The following FAM13A variants were observed in gnomAD, a reference collection of about 807,000 sequenced individuals.
FAM13A encodes protein FAM13A.
A neutral mutation model predicts 129.6 loss-of-function variants in FAM13A; 76 were observed. The observed-to-expected ratio is 0.59, with a 90% CI of 0.49 to 0.71. The LOEUF (loss-of-function observed/expected upper bound fraction) is 0.71. Among genes scored for constraint, FAM13A ranks in the 30% least tolerant of loss-of-function variants. FAM13A has a pLI of 0.00. For missense variants in FAM13A, 1,108 were observed against 1,249.3 expected, an observed-to-expected ratio of 0.89 and a Z score of 1.70; for synonymous variants, 443 against 449.9, an observed-to-expected ratio of 0.98 and a Z score of 0.20.
chr4:88,992,272 T>G (rs1356027118), intron 3 of FAM13A, among the ~76,000 whole-genome samples: 1 of 86,626 alleles, frequency 1.2e-5, no homozygotes, highest in Non-Finnish European at 2.3e-5. Flanking sequence ...TTTTTCTTCT[T>G]CTTTTTTTTT....
chr4:88,968,050 G>A (rs1416749115), intron 4 of FAM13A, among the ~76,000 whole-genome samples: 1 of 152,184 alleles, frequency 6.6e-6, no homozygotes, highest in African/African-American at 2.4e-5. Context: ...ATAATTTGCA[G>A]AGTCTAGCAA....
At chr4:89,023,673 T>C (rs991258141) in intron 2 of FAM13A, among the ~76,000 whole-genome samples, 2 of 152,202 alleles carry the variant, frequency 1.3e-5, no homozygotes, top group African/African-American at 4.8e-5. Flanking sequence ...CTGTCCCATT[T>C]ATCTGAACAA....
intron 10 of FAM13A, among the ~76,000 whole-genome samples, chr4:88,786,296 G>A (rs1003482238): frequency 6.6e-6 from 1 of 152,248 alleles, no homozygotes; most frequent in South Asian, 2.1e-4. Flanking sequence ...AAAGAGGGTG[G>A]AAAGCAGGAT....
chr4:88,945,293 A>G (rs2148844826), intron 4 of FAM13A, among the ~76,000 whole-genome samples: 1 of 152,322 alleles, frequency 6.6e-6, no homozygotes. Context: ...TCAAAGGACA[A>G]GTCTCATGCC....
intron 21 of FAM13A, chr4:88,732,580 A>C: frequency 6.3e-6 from 1 of 159,070 alleles, no homozygotes; most frequent in Non-Finnish European, 1.4e-5. Flanking sequence ...ATTCATCACC[A>C]GTAACCAGTG....
At chr4:88,771,566 T>G (rs1720684778) in intron 11 of FAM13A, among the ~76,000 whole-genome samples, 1 of 152,208 alleles carries the variant, frequency 6.6e-6, no homozygotes, top group African/African-American at 2.4e-5. Flanking sequence ...GATTAGAGGT[T>G]GAAGTAATAG....
intron 1 of FAM13A, among the ~76,000 whole-genome samples, chr4:89,046,224 C>A (rs1770837185): frequency 6.6e-6 from 1 of 151,006 alleles, no homozygotes; most frequent in Non-Finnish European, 1.5e-5. Context: ...GATGAAAAGA[C>A]CAGCAAAAAA....
At chr4:88,781,014 G>C (rs1372764580) in intron 11 of FAM13A, 151 bp downstream of exon 11, 1 of 403,830 alleles carries the variant, frequency 2.5e-6, no homozygotes, top group East Asian at 3.7e-5. Flanking sequence ...TTATTAAAAA[G>C]AAATACAAAT....
chr4:88,885,924 C>A (rs188436522), intron 6 of FAM13A, among the ~76,000 whole-genome samples: 9 of 151,792 alleles, frequency 5.9e-5, no homozygotes, highest in Admixed American at 3.3e-4. Flanking sequence ...TGCTCAACAT[C>A]ACTAATGACC....
chr4:88,990,985 G>C lies in FAM13A; in HGVS notation c.593C>G (p.Pro198Arg). Residue 198 changes from proline to arginine, a missense_variant, in exon 4 of 24, where the codon CCA (proline) becomes CGA (arginine). Physicochemically the swap from Pro to Arg is moderately radical, Grantham distance 103 (BLOSUM62 -2). Around this residue, in one of 3 missense-constraint regions of FAM13A, gnomAD observed 566 missense variants for 595.7 expected, o/e 0.95. Transcript: ENST00000264344. ...TCCACTAACTTACTGAAAGCAATTTGGCCCAAATACAGTGGCGAGATTGTG... is the reference window on the plus strand; with the variant it reads ...TCCACTAACTTACTGAAAGCAATTTCGCCCAAATACAGTGGCGAGATTGTG... ...NVHNLATVFG[P>R]NCFHVPPGLE... 1 of 1,613,728 alleles carries C rather than the reference G, an allele frequency of 6.2e-7. No individual in the cohort carries two copies. Among genetic ancestry groups the C allele is most frequent in the Non-Finnish European group, 8.5e-7 (1 of 1,179,724 alleles).
intron 7 of FAM13A, among the ~76,000 whole-genome samples, chr4:88,843,046 G>C (rs10024506): frequency 0.25 from 37,426 of 152,102 alleles, 5,264 homozygotes; most frequent in South Asian, 0.52. Context: ...TAAGGCCTTG[G>C]GATATTTTTT....
intron 5 of FAM13A, among the ~76,000 whole-genome samples, chr4:88,912,904 C>T (rs566521628): frequency 3.9e-5 from 6 of 152,102 alleles, no homozygotes; most frequent in Admixed American, 2.6e-4. Flanking sequence ...CCTATTGAGC[C>T]CAAGAGGTCC....
chr4:89,043,613 C>T (rs186908432), intron 1 of FAM13A, among the ~76,000 whole-genome samples: 17 of 152,210 alleles, frequency 1.1e-4, no homozygotes, highest in Admixed American at 3.3e-4. Context: ...AAAAAAGCAT[C>T]ACAATCTTCC....
chr4:88,957,631 GTTGGAAGAGT>G (rs1376455702), intron 4 of FAM13A, among the ~76,000 whole-genome samples: 1 of 152,228 alleles, frequency 6.6e-6, no homozygotes, highest in East Asian at 1.9e-4. Context: ...ACAGGCAGAG[GTTGGAAGAGT>G]TTGGAGGACA....
At chr4:89,030,255 A>T (rs575206539) in intron 1 of FAM13A, among the ~76,000 whole-genome samples, 1 of 152,204 alleles carries the variant, frequency 6.6e-6, no homozygotes, top group South Asian at 2.1e-4. Flanking sequence ...GGTAGTTGCA[A>T]TTTTAAATTT....
At chr4:88,893,228 T>G (rs926588912) in intron 6 of FAM13A, among the ~76,000 whole-genome samples, 1 of 152,226 alleles carries the variant, frequency 6.6e-6, no homozygotes, top group Non-Finnish European at 1.5e-5. Context: ...AAACAGAGGT[T>G]TATTTTTTGG....
chr4:88,968,542 A>G (rs1759643943), intron 4 of FAM13A, among the ~76,000 whole-genome samples: 1 of 152,188 alleles, frequency 6.6e-6, no homozygotes. Flanking sequence ...GCAATTGTTC[A>G]TAATCTTTTT....
chr4:88,728,689 A>C, intron 23 of FAM13A, 30 bp from the exon 24 acceptor site: 1 of 1,613,162 alleles, frequency 6.2e-7, no homozygotes, highest in Non-Finnish European at 8.5e-7. Context: ...AAGGGGTCTG[A>C]GGATCATTTT....
chr4:88,871,972 G>C (rs1357686145), intron 6 of FAM13A, among the ~76,000 whole-genome samples: 1 of 152,196 alleles, frequency 6.6e-6, no homozygotes, highest in African/African-American at 2.4e-5. Context: ...CAAGCCAGAA[G>C]AGAGTGGGGG....
Sources: gnomAD v4.1 joint callset for allele counts (sites outside exome capture counted in the v4.1 genomes callset) on GRCh38, gnomAD v4.1.1 for gene constraint, gnomAD v4.1.1 regional missense constraint, MANE v1.5 for transcripts, NCBI Gene and HGNC (gene_info 2026-07-23, HGNC 2026-07-21) for gene names.